The following KCNJ15 variants were observed in gnomAD, a reference collection of about 807,000 sequenced individuals.
KCNJ15 encodes the protein potassium inwardly rectifying channel subfamily J member 15.
Under a neutral mutation model 23.0 loss-of-function variants are expected in KCNJ15, and 14 were observed. That is an observed-to-expected ratio of 0.61 (90% CI 0.40 to 0.95). KCNJ15 has a LOEUF of 0.95. Ranked by LOEUF, KCNJ15 falls within the 40% of genes least tolerant of loss-of-function variation. The probability of loss-of-function intolerance (pLI) is 0.00; values close to 1 mark genes in which losing one functional copy is unlikely to be tolerated. For missense variants in KCNJ15, 388 were observed against 461.8 expected (o/e 0.84, Z 1.46); for synonymous variants, 185 against 183.2 (o/e 1.01, Z -0.08).
intron 1 of KCNJ15, among the ~76,000 whole-genome samples, chr21:38,265,800 G>A (rs182533027): frequency 6.6e-6 from 1 of 152,348 alleles, no homozygotes; most frequent in Admixed American, 6.5e-5. Context: ...AGCAGAATGT[G>A]ATGACATTGA....
At chr21:38,239,473 A>G (rs1484904568) in intron 1 of KCNJ15, among the ~76,000 whole-genome samples, 1 of 152,014 alleles carries the variant, frequency 6.6e-6, no homozygotes, top group Admixed American at 6.6e-5. Flanking sequence ...ATTTATTTTT[A>G]TTTTTTCACT....
At position 38,242,804 on chromosome 21, in the gene KCNJ15, T is replaced by C. The variant is rs1322246790; in HGVS notation, c.-398-14242T>C. Among the ~76,000 whole-genome samples the C allele has an allele frequency of 2.0e-5, 3 of 152,252 alleles. No individual in the cohort carries two copies. The East Asian group carries it at 5.8e-4, about 29-fold the overall frequency. ...CCCACATCTTCATTACACAAACTAT[T>C]TGTATGCTCACTTATAAGCTTAAGG... On this transcript the variant is annotated intron_variant, in intron 1 of 4. Transcript: ENST00000547341.
chr21:38,299,298 C>T lies in KCNJ15; in HGVS notation c.37C>T (p.Leu13=), dbSNP rs752666900. 1.2e-6 allele frequency: 2 copies of T among 1,614,124 alleles called. No individual in the cohort carries two copies. Among genetic ancestry groups the T allele is most frequent in the East Asian group, 2.2e-5 (1 of 44,890 alleles). ...AIHIGMSSTP[L]VKHTAGAGLK... ...TCACATCGGCATGTCCAGCACCCCC[C>T]TGGTGAAGCACACTGCTGGGGCTGG... Residue 13 remains leucine (L), a synonymous_variant, in exon 3 of 3, where the codon CTG becomes TTG. Transcript: ENST00000398938. This position sits in a 1 kb window ranked among gnomAD's most constrained non-coding sequence, Gnocchi z 4.5.
chr21:38,265,871 G>C (rs537531636), intron 1 of KCNJ15, among the ~76,000 whole-genome samples: 18 of 152,324 alleles, frequency 1.2e-4, no homozygotes, highest in African/African-American at 4.3e-4. Flanking sequence ...GATCCCTTTG[G>C]GATGACTGTA....
chr21:38,270,255 G>A (rs1009016706), intron 1 of KCNJ15, among the ~76,000 whole-genome samples: 5 of 152,034 alleles, frequency 3.3e-5, no homozygotes, highest in Non-Finnish European at 4.4e-5. Context: ...TGATTCATTC[G>A]GTGTTGGTGT....
intron 1 of KCNJ15, among the ~76,000 whole-genome samples, chr21:38,263,529 T>A (rs1009097553): frequency 9.2e-5 from 14 of 152,194 alleles, no homozygotes; most frequent in African/African-American, 3.4e-4. Context: ...AGCAAAGACG[T>A]TCTTTAACTT....
At chr21:38,297,596 C>T (rs2236607) in intron 2 of KCNJ15, among the ~76,000 whole-genome samples, 65,544 of 152,076 alleles carry the variant, frequency 0.43, 15,453 homozygotes, top group Non-Finnish European at 0.54. Context: ...GCCAGAATGG[C>T]GTTTCATTTC....
chr21:38,300,924 A>AT lies in KCNJ15; in HGVS notation c.*535_*536insT, dbSNP rs557208161. 2.4e-5 allele frequency: 4 copies of AT among 167,180 alleles called. No individual in the cohort carries two copies. Among genetic ancestry groups the AT allele is most frequent in the Non-Finnish European group, 5.9e-5 (4 of 68,330 alleles). 10.4% of individuals were successfully genotyped at this position (167,180 alleles called of 1,614,324 possible). On this transcript the variant is annotated 3_prime_UTR_variant, in exon 3 of 3. Coordinates refer to ENST00000398938, the MANE Select transcript of KCNJ15 (RefSeq NM_170736.3). ...GAGGTAGAGAGACTCTATGTTCACA[A>AT]AATATAGTAATTTCATTTTTACCTT...
chr21:38,272,295 G>A (rs1285837317), intron 1 of KCNJ15: 4 of 152,202 alleles, frequency 2.6e-5, no homozygotes, highest in South Asian at 2.1e-4. Context: ...AGAAGCCCTC[G>A]TGGCTCAAGG....
At chr21:38,293,042 A>C (rs571466808) in intron 1 of KCNJ15, among the ~76,000 whole-genome samples, 5 of 152,196 alleles carry the variant, frequency 3.3e-5, no homozygotes, top group Non-Finnish European at 5.9e-5. Flanking sequence ...TAGGTCAGGC[A>C]TATAATCCTA....
intron 1 of KCNJ15, among the ~76,000 whole-genome samples, chr21:38,261,426 T>G (rs575831674): frequency 9.2e-5 from 14 of 152,346 alleles, no homozygotes; most frequent in East Asian, 7.7e-4. Context: ...AAAGCCCTGA[T>G]ACTTGTCTCT....
At chr21:38,280,918 A>G (rs2836278) in intron 1 of KCNJ15, among the ~76,000 whole-genome samples, 106,912 of 151,960 alleles carry the variant, frequency 0.7, 38,130 homozygotes, top group Non-Finnish European at 0.77. Context: ...CCATCCATGG[A>G]AGAAATGAGA....
intron 1 of KCNJ15, among the ~76,000 whole-genome samples, chr21:38,278,660 A>G (rs1358270811): frequency 6.6e-6 from 1 of 152,180 alleles, no homozygotes; most frequent in Non-Finnish European, 1.5e-5. Flanking sequence ...AGAAAGGGTA[A>G]CACCCCAAAG....
intron 1 of KCNJ15, among the ~76,000 whole-genome samples, chr21:38,295,465 C>T (rs1985046402): frequency 6.6e-6 from 1 of 151,718 alleles, no homozygotes; most frequent in South Asian, 2.1e-4. Flanking sequence ...GTTTTACTTT[C>T]ACATTGAAAA....
chr21:38,291,838 T>G (rs928771), intron 1 of KCNJ15: 52,328 of 152,196 alleles, frequency 0.34, 11,419 homozygotes, highest in Non-Finnish European at 0.5. Context: ...ATCAGAAGCA[T>G]GGACTATGGA....
At chr21:38,265,191 T>C (rs147888456) in intron 1 of KCNJ15, among the ~76,000 whole-genome samples, 4 of 152,340 alleles carry the variant, frequency 2.6e-5, no homozygotes, top group African/African-American at 7.2e-5. Flanking sequence ...GTTTTAAATT[T>C]TAAATTGAAG....
intron 1 of KCNJ15, among the ~76,000 whole-genome samples, chr21:38,266,143 G>A (rs1400471084): frequency 6.6e-6 from 1 of 152,128 alleles, no homozygotes; most frequent in Non-Finnish European, 1.5e-5. Flanking sequence ...TTGTTTGTTT[G>A]TTTGTTTATT....
intron 1 of KCNJ15, among the ~76,000 whole-genome samples, chr21:38,281,666 C>A (rs1285302825): frequency 1.3e-5 from 2 of 152,156 alleles, no homozygotes; most frequent in South Asian, 2.1e-4. Context: ...TTTATCCATT[C>A]TACATTTATG....
In KCNJ15 at chr21:38,274,785, G is replaced by A. The variant is rs565770325; in HGVS notation, c.-117+17600G>A. Among the ~76,000 whole-genome samples the A allele has an allele frequency of 3.3e-5, 5 of 152,200 alleles. No individual in the cohort carries two copies. The East Asian group carries it at 9.7e-4, about 29-fold the overall frequency. ...ATTTACATAGGTGTCCAGCCATCTG[G>A]CTGGCCTTTCTCCAGTTCTTTTGCT... On this transcript the variant is annotated intron_variant, in intron 1 of 2. Coordinates refer to ENST00000398938, the MANE Select transcript of KCNJ15 (RefSeq NM_170736.3).
Sources: gnomAD v4.1 joint callset for allele counts (sites outside exome capture counted in the v4.1 genomes callset) on GRCh38, gnomAD v4.1.1 for gene constraint, Gnocchi (gnomAD v3.1) non-coding constraint, MANE v1.5 for transcripts, NCBI Gene and HGNC (gene_info 2026-07-23, HGNC 2026-07-21) for gene names.